The following NR1D2 variants were observed in gnomAD, a reference collection of about 807,000 sequenced individuals.
NR1D2 encodes the protein nuclear receptor subfamily 1 group D member 2, also known as V-erbA-related protein 1-related.
NR1D2 carries 25 observed loss-of-function variants against 52.2 expected under a neutral mutation model. That is an observed-to-expected ratio of 0.48 (90% CI 0.35 to 0.67). The LOEUF is 0.67. Ranked by LOEUF, NR1D2 falls within the 30% of genes least tolerant of loss-of-function variation. NR1D2 has a pLI of 0.01. For missense variants in NR1D2, 681 were observed against 707.2 expected, an observed-to-expected ratio of 0.96 and a Z score of 0.42; for synonymous variants, 259 against 230.1, an observed-to-expected ratio of 1.13 and a Z score of -1.14.
At chr3:23,946,941 T>G (rs1705745674) in intron 1 of NR1D2, among the ~76,000 whole-genome samples, 1 of 152,204 alleles carries the variant, frequency 6.6e-6, no homozygotes, top group African/African-American at 2.4e-5. Flanking sequence ...GAATCTTGCC[T>G]CGATAACAAA....
chr3:23,954,714 G>T lies in NR1D2; in HGVS notation c.194G>T (p.Gly65Val). 1 of 1,613,968 alleles carries T rather than the reference G, an allele frequency of 6.2e-7. No homozygotes were observed. The highest frequency in any genetic ancestry group is 1.1e-5 in the South Asian group (1 of 91,074). The change falls in exon 2 of 8, where the codon GGC becomes GTC. Residue 65 changes from glycine (G) to valine (V), a missense_variant. Coordinates refer to ENST00000312521, the MANE Select transcript of NR1D2 (RefSeq NM_005126.5). ...PKNGDLANIEGILKNDRIDCS... is the reference protein window; with the variant it reads ...PKNGDLANIEVILKNDRIDCS... ...AATGGTGATCTCGCCAATATTGAAG[G>T]CATCTTGAAGAATGATCGAATAGAT...
intron 7 of NR1D2, among the ~76,000 whole-genome samples, chr3:23,974,926 C>A (rs974512625): frequency 6.6e-6 from 1 of 150,900 alleles, no homozygotes; most frequent in African/African-American, 2.4e-5. Flanking sequence ...TCAAGTGATT[C>A]TTGAGCCTCA....
At chr3:23,960,869 C>T (rs1012021829) in intron 4 of NR1D2, among the ~76,000 whole-genome samples, 3 of 152,084 alleles carry the variant, frequency 2.0e-5, no homozygotes, top group East Asian at 1.9e-4. Flanking sequence ...ATTAGATTAA[C>T]GAGGCTTTCT....
chr3:23,957,582 A>G (rs2125287628), intron 3 of NR1D2, among the ~76,000 whole-genome samples: 1 of 151,060 alleles, frequency 6.6e-6, no homozygotes, highest in Admixed American at 6.6e-5. Flanking sequence ...AATTAGCCGG[A>G]CGTAGTGGTG....
At chr3:23,951,650 T>C (rs1362358810) in intron 1 of NR1D2, among the ~76,000 whole-genome samples, 1 of 152,278 alleles carries the variant, frequency 6.6e-6, no homozygotes, top group Non-Finnish European at 1.5e-5. Context: ...CTGGCGGTTG[T>C]ATCGATGAAA....
intron 1 of NR1D2, chr3:23,946,012 G>T: frequency 1.4e-6 from 1 of 734,894 alleles, no homozygotes; most frequent in Non-Finnish European, 1.7e-6. Flanking sequence ...CGGGGCCGCA[G>T]GGACACGTGG....
intron 1 of NR1D2, among the ~76,000 whole-genome samples, chr3:23,948,513 A>T (rs1705839886): frequency 6.6e-6 from 1 of 152,124 alleles, no homozygotes. Flanking sequence ...GAGGTGAATA[A>T]TGGGTAGGGA....
intron 3 of NR1D2, among the ~76,000 whole-genome samples, chr3:23,959,152 C>T (rs541080554): frequency 1.3e-5 from 2 of 151,816 alleles, no homozygotes; most frequent in South Asian, 2.1e-4. Context: ...CCTGTAGTCC[C>T]AGCTGTTTGT....
chr3:23,955,448 C>T (rs1249702829), intron 2 of NR1D2, among the ~76,000 whole-genome samples: 1 of 152,022 alleles, frequency 6.6e-6, no homozygotes, highest in Non-Finnish European at 1.5e-5. Flanking sequence ...AATAAATTTA[C>T]AAAATTTCAG....
At chr3:23,960,268 G>T (rs920537596) in intron 4 of NR1D2, among the ~76,000 whole-genome samples, 2 of 152,114 alleles carry the variant, frequency 1.3e-5, no homozygotes, top group African/African-American at 2.4e-5. Flanking sequence ...AGCTGAGCGT[G>T]GTGGCATGCA....
At chr3:23,950,619 C>A (rs1705899023) in intron 1 of NR1D2, among the ~76,000 whole-genome samples, 1 of 152,144 alleles carries the variant, frequency 6.6e-6, no homozygotes, top group South Asian at 2.1e-4. Flanking sequence ...ACAACTAAAT[C>A]AATATTGAAG....
intron 7 of NR1D2, among the ~76,000 whole-genome samples, chr3:23,975,340 T>A (rs1706695761): frequency 6.6e-6 from 1 of 151,512 alleles, no homozygotes; most frequent in South Asian, 2.1e-4. Context: ...CTCAGGCTGG[T>A]CTCAAACTCC....
chr3:23,951,827 G>T (rs1481482538), intron 1 of NR1D2, among the ~76,000 whole-genome samples: 6 of 152,180 alleles, frequency 3.9e-5, no homozygotes, highest in Non-Finnish European at 8.8e-5. Flanking sequence ...TTCTGAAAAA[G>T]CACCAGCTAG....
intron 3 of NR1D2, among the ~76,000 whole-genome samples, chr3:23,957,073 C>G (rs1445795823): frequency 6.6e-6 from 1 of 151,872 alleles, no homozygotes; most frequent in Non-Finnish European, 1.5e-5. Context: ...ACCTCTGCCT[C>G]CTGGGTTCAA....
rs541624744 is a variant in NR1D2 at position 23,949,518 on chromosome 3, G to T, written c.16+3924G>T. The stretch of plus-strand genomic sequence containing the variant: ...TATTGATTTCTGCCCTCTTTAGTAT[G>T]ATCCTCAGCAGTCACAATCATGTGT... On this transcript the variant is annotated intron_variant, in intron 1 of 7. Coordinates refer to ENST00000312521, the MANE Select transcript of NR1D2 (RefSeq NM_005126.5). Among the ~76,000 whole-genome samples, 77 of 152,288 alleles carry T rather than the reference G, an allele frequency of 5.1e-4. No individual in the cohort carries two copies. The South Asian group carries it at 7.7e-3, about 15-fold the overall frequency.
chr3:23,953,114 A>G (rs1705988063), intron 1 of NR1D2, among the ~76,000 whole-genome samples: 1 of 151,748 alleles, frequency 6.6e-6, no homozygotes. Context: ...AGGTGGGTGG[A>G]TCACCTGAGG....
intron 5 of NR1D2, 132 bp downstream of exon 5, chr3:23,962,737 C>T: frequency 7.2e-6 from 6 of 830,082 alleles, no homozygotes; most frequent in Non-Finnish European, 9.3e-6. Flanking sequence ...TAATTTTGTA[C>T]AGTATTTTAG....
chr3:23,962,665 T>C, intron 5 of NR1D2, 60 bp downstream of exon 5: 2 of 1,496,742 alleles, frequency 1.3e-6, no homozygotes, highest in Non-Finnish European at 1.8e-6. Flanking sequence ...AAATTTTCTT[T>C]TATTCGGGAG....
intron 1 of NR1D2, among the ~76,000 whole-genome samples, chr3:23,948,350 G>T (rs148781675): frequency 1.5e-3 from 236 of 152,262 alleles, no homozygotes; most frequent in African/African-American, 5.2e-3. Context: ...AAAAAAATTG[G>T]AGAGGTGGAG....
Sources: gnomAD v4.1 joint callset for allele counts (sites outside exome capture counted in the v4.1 genomes callset) on GRCh38, gnomAD v4.1.1 for gene constraint, MANE v1.5 for transcripts, NCBI Gene and HGNC (gene_info 2026-07-23, HGNC 2026-07-21) for gene names.